C1orf21: variants seen among roughly 807,000 people sequenced by gnomAD.
C1orf21 encodes uncharacterized protein C1orf21.
A neutral mutation model predicts 18.7 loss-of-function variants in C1orf21; 3 were observed. That is an observed-to-expected ratio of 0.16 (90% CI 0.07 to 0.42). C1orf21 has a LOEUF of 0.42. Ranked by LOEUF, C1orf21 falls within the 10% of genes least tolerant of loss-of-function variation. The pLI is 0.99. For missense variants in C1orf21, 104 were observed against 143.6 expected (o/e 0.72, Z 1.41); for synonymous variants, 41 against 46.4 (o/e 0.88, Z 0.47).
At chr1:184,618,636 T>TC (rs34301703) in intron 5 of C1orf21, among the ~76,000 whole-genome samples, 23,447 of 136,950 alleles carry the variant, frequency 0.17, 2,045 homozygotes, top group East Asian at 0.32. Flanking sequence ...AAAAGAACAT[T>TC]CCCCCCCCCC....
intron 1 of C1orf21, among the ~76,000 whole-genome samples, chr1:184,416,197 G>A (rs1656449041): frequency 6.6e-6 from 1 of 152,062 alleles, no homozygotes; most frequent in African/African-American, 2.4e-5. Flanking sequence ...TTTTGGATGA[G>A]TGCTTTCTAA....
intron 1 of C1orf21, among the ~76,000 whole-genome samples, chr1:184,423,857 T>TCGTC (rs1553248965): frequency 6.3e-4 from 82 of 130,216 alleles, no homozygotes; most frequent in Admixed American, 5.3e-3. Context: ...CATCCACCCA[T>TCGTC]CGTCCATCCA....
chr1:184,476,000 G>C (rs958142658), intron 1 of C1orf21, among the ~76,000 whole-genome samples: 1 of 152,110 alleles, frequency 6.6e-6, no homozygotes, highest in Non-Finnish European at 1.5e-5. Flanking sequence ...CAATGTTATA[G>C]TCATTGTCAA....
At chr1:184,599,992 T>C (rs1659565709) in intron 5 of C1orf21, among the ~76,000 whole-genome samples, 1 of 152,224 alleles carries the variant, frequency 6.6e-6, no homozygotes, top group Non-Finnish European at 1.5e-5. Context: ...ACTGAAACGA[T>C]GAAGATCTTT....
rs553588673 is a variant in C1orf21, at chr1:184,435,050, A to G, written c.-124-42336A>G. Among the ~76,000 whole-genome samples the G allele has an allele frequency of 1.1e-4, 17 of 152,304 alleles. No homozygotes were observed. In the South Asian group the frequency reaches 3.1e-3, roughly 28 times the overall value. ...GCTTGGATCAGGTTTGGAGCAATAG[A>G]GAAGGTGGGAGCTGGTTGGATTAAA... On this transcript the variant is annotated intron_variant, in intron 1 of 5. Transcript: ENST00000235307.
chr1:184,530,292 C>T (rs539483234), intron 3 of C1orf21, among the ~76,000 whole-genome samples: 1 of 152,222 alleles, frequency 6.6e-6, no homozygotes, highest in Non-Finnish European at 1.5e-5. Context: ...GCCTCAGTTT[C>T]CTCATCTGTT....
rs547611106 is a variant in C1orf21, at chr1:184,521,279, G to A, written c.189+13597G>A. On this transcript the variant is annotated intron_variant, in intron 3 of 5. Coordinates refer to ENST00000235307, the MANE Select transcript of C1orf21 (RefSeq NM_030806.4). Reference sequence around the variant, plus strand: ...TATGTCTAGAAATCGTGCTCCCAGGGTATTTTCCCAACTGATTGGAAAAAC... The same window carrying A: ...TATGTCTAGAAATCGTGCTCCCAGGATATTTTCCCAACTGATTGGAAAAAC... Among the ~76,000 whole-genome samples the A allele has an allele frequency of 7.9e-5, 12 of 152,184 alleles. No individual in the cohort carries two copies. In the South Asian group the frequency reaches 2.3e-3, roughly 29 times the overall value.
intron 1 of C1orf21, among the ~76,000 whole-genome samples, chr1:184,411,411 A>G: frequency 8.4e-6 from 1 of 119,626 alleles, no homozygotes; most frequent in South Asian, 2.7e-4. Context: ...GGTTATGGGT[A>G]TTTCCTTTTT....
chr1:184,509,036 A>G (rs2101964483), intron 3 of C1orf21, among the ~76,000 whole-genome samples: 1 of 152,300 alleles, frequency 6.6e-6, no homozygotes, highest in East Asian at 1.9e-4. Flanking sequence ...TTTCAGCTTG[A>G]GTTATCAATC....
chr1:184,449,598 A>G (rs1382055277), intron 1 of C1orf21, among the ~76,000 whole-genome samples: 1 of 152,120 alleles, frequency 6.6e-6, no homozygotes, highest in Non-Finnish European at 1.5e-5. Context: ...TGGTATTTCT[A>G]GTTCTTAACT....
intron 3 of C1orf21, among the ~76,000 whole-genome samples, chr1:184,554,988 A>C (rs1362673618): frequency 6.6e-6 from 1 of 152,104 alleles, no homozygotes; most frequent in Non-Finnish European, 1.5e-5. Context: ...ATCAGCCCCC[A>C]GTCTCTATTA....
rs111506858 is a variant in C1orf21, at chr1:184,560,138, G to A, written c.190-30601G>A. 1.2e-3 allele frequency among the ~76,000 whole-genome samples: 181 copies of A among 152,204 alleles called. 1 individual carries two copies. The highest frequency in any genetic ancestry group is 4.2e-3 in the African/African-American group (173 of 41,536). ...ACATGCCAGATTATTTAAGGGGTTA[G>A]CAAGAATTCATATAAGATGCCTGGT... On this transcript the variant is annotated intron_variant, in intron 3 of 5. Transcript: ENST00000235307.
intron 3 of C1orf21, among the ~76,000 whole-genome samples, chr1:184,582,714 G>A (rs1345782375): frequency 1.3e-5 from 2 of 152,242 alleles, no homozygotes. Context: ...AGGTAAAGAA[G>A]TGATAGGAGA....
chr1:184,410,626 T>C (rs1264411956), intron 1 of C1orf21, among the ~76,000 whole-genome samples: 1 of 2,410 alleles, frequency 4.1e-4, no homozygotes, highest in Non-Finnish European at 6.3e-4. Context: ...ATTATATATA[T>C]ATATATATAT....
chr1:184,594,160 A>C (rs1214054818), intron 4 of C1orf21, among the ~76,000 whole-genome samples: 1 of 152,228 alleles, frequency 6.6e-6, no homozygotes, highest in Non-Finnish European at 1.5e-5. Context: ...TGAGCTATGC[A>C]TGAACTACTA....
intron 3 of C1orf21, among the ~76,000 whole-genome samples, chr1:184,564,480 G>A (rs992733462): frequency 1.3e-5 from 2 of 151,976 alleles, no homozygotes; most frequent in African/African-American, 2.4e-5. Flanking sequence ...GCTGATTTTT[G>A]TATTTTTAGT....
intron 5 of C1orf21, among the ~76,000 whole-genome samples, chr1:184,603,161 G>T (rs1417590100): frequency 6.6e-6 from 1 of 152,246 alleles, no homozygotes; most frequent in Non-Finnish European, 1.5e-5. Flanking sequence ...TTTTGCTGGT[G>T]TGCTTCCGTC....
At chr1:184,414,792 G>A (rs6657254) in intron 1 of C1orf21, among the ~76,000 whole-genome samples, 50,057 of 151,924 alleles carry the variant, frequency 0.33, 9,452 homozygotes, top group African/African-American at 0.52. Flanking sequence ...ACCATTTGTT[G>A]AGTTTTATGA....
At chr1:184,577,986 C>T (rs1659219407) in intron 3 of C1orf21, among the ~76,000 whole-genome samples, 1 of 133,560 alleles carries the variant, frequency 7.5e-6, no homozygotes, top group South Asian at 2.5e-4. Context: ...CAGAGTCTCA[C>T]ACTGTCGCCC....
Sources: gnomAD v4.1 joint callset for allele counts (sites outside exome capture counted in the v4.1 genomes callset) on GRCh38, gnomAD v4.1.1 for gene constraint, MANE v1.5 for transcripts, NCBI Gene and HGNC (gene_info 2026-07-23, HGNC 2026-07-21) for gene names.